Variants in ARHGAP42 observed in about 807,000 individuals in gnomAD.
ARHGAP42 encodes the protein rho GTPase-activating protein 42.
Under a neutral mutation model 125.0 loss-of-function variants are expected in ARHGAP42, and 63 were observed. That is an observed-to-expected ratio of 0.50 (90% CI 0.41 to 0.62). The LOEUF is 0.62. Ranked by LOEUF, ARHGAP42 falls within the 20% of genes least tolerant of loss-of-function variation. The pLI, the probability that ARHGAP42 is intolerant of heterozygous loss-of-function variation, is 0.00. For synonymous variants in ARHGAP42, 339 were observed against 351.0 expected (o/e 0.97, Z 0.38); for missense variants, 766 against 1,024.2 (o/e 0.75, Z 3.44).
At chr11:100,760,829 A>G (rs951679659) in intron 1 of ARHGAP42, among the ~76,000 whole-genome samples, 2 of 152,170 alleles carry the variant, frequency 1.3e-5, no homozygotes, top group Non-Finnish European at 2.9e-5. Context: ...CATGAAAGAT[A>G]AGGTAACACC....
intron 1 of ARHGAP42, among the ~76,000 whole-genome samples, chr11:100,766,712 A>G (rs775993236): frequency 2.6e-5 from 4 of 152,230 alleles, no homozygotes; most frequent in Non-Finnish European, 5.9e-5. Context: ...GCCAGAAAAT[A>G]TCATAACTTC....
intron 3 of ARHGAP42, among the ~76,000 whole-genome samples, chr11:100,851,950 A>G (rs1203092545): frequency 1.3e-5 from 2 of 152,158 alleles, no homozygotes; most frequent in Non-Finnish European, 2.9e-5. Context: ...ACACAAGGTC[A>G]CTTACCCAGT....
intron 1 of ARHGAP42, among the ~76,000 whole-genome samples, chr11:100,741,348 AT>A (rs201528438): frequency 0.026 from 3,958 of 152,248 alleles, 66 homozygotes; most frequent in Non-Finnish European, 0.031. Flanking sequence ...TCTTATTCTT[AT>A]AGTTAGTGAA....
Position 100,965,752 on chromosome 11 carries a change from A to G in ARHGAP42, c.1526A>G (p.Asp509Gly). Residue 509 changes from aspartate (D) to glycine (G), a missense_variant, in exon 17 of 24, where the codon GAC becomes GGC. Around this residue, in one of 3 missense-constraint regions of ARHGAP42, gnomAD observed 455 missense variants for 636.5 expected, o/e 0.71. Coordinates refer to ENST00000298815, the MANE Select transcript of ARHGAP42 (RefSeq NM_152432.4). ...KLPEKNREML[D>G]ILIKHLVKVS... Reference sequence around the variant, plus strand: ...CCGGAGAAAAACAGAGAGATGCTGGACATCTTAATAAAGCATCTGGTCAAG... The same window carrying G: ...CCGGAGAAAAACAGAGAGATGCTGGGCATCTTAATAAAGCATCTGGTCAAG... 4 of 1,551,212 alleles carry G rather than the reference A, an allele frequency of 2.6e-6. No homozygotes were observed. Among genetic ancestry groups the G allele is most frequent in the South Asian group, 2.4e-5 (2 of 84,032 alleles).
chr11:100,740,578 A>G (rs1176675156), intron 1 of ARHGAP42, among the ~76,000 whole-genome samples: 1 of 152,218 alleles, frequency 6.6e-6, no homozygotes, highest in African/African-American at 2.4e-5. Flanking sequence ...GCTTTATGGT[A>G]TAGGGGGAGG....
chr11:100,963,207 C>G (rs1858004991), intron 16 of ARHGAP42, among the ~76,000 whole-genome samples: 1 of 152,164 alleles, frequency 6.6e-6, no homozygotes, highest in South Asian at 2.1e-4. Flanking sequence ...TCCATCAATC[C>G]CCTCTCCCTC....
At chr11:100,838,747 A>G (rs1280405263) in intron 3 of ARHGAP42, among the ~76,000 whole-genome samples, 1 of 151,872 alleles carries the variant, frequency 6.6e-6, no homozygotes, top group East Asian at 1.9e-4. Flanking sequence ...CATAGTGTTT[A>G]AAAAAATCTA....
chr11:100,749,471 G>A, intron 1 of ARHGAP42, among the ~76,000 whole-genome samples: 1 of 150,322 alleles, frequency 6.7e-6, no homozygotes, highest in Non-Finnish European at 1.5e-5. Flanking sequence ...CTCAAACCAG[G>A]CATGTCTCGC....
intron 3 of ARHGAP42, among the ~76,000 whole-genome samples, chr11:100,818,951 A>G (rs1224650320): frequency 6.6e-6 from 1 of 152,164 alleles, no homozygotes; most frequent in Admixed American, 6.6e-5. Context: ...TTAGTAGGGA[A>G]AAAATGGGTT....
At chr11:100,986,245 A>C in intron 22 of ARHGAP42, 1 of 357,710 alleles carries the variant, frequency 2.8e-6, no homozygotes, top group Non-Finnish European at 5.4e-6. Flanking sequence ...ATTTCAGAGA[A>C]GGCCTGACCT....
At chr11:100,891,719 A>G (rs2135192923) in intron 4 of ARHGAP42, among the ~76,000 whole-genome samples, 1 of 152,326 alleles carries the variant, frequency 6.6e-6, no homozygotes, top group South Asian at 2.1e-4. Context: ...CTGGGATTAC[A>G]GGTGTGAGCC....
intron 3 of ARHGAP42, among the ~76,000 whole-genome samples, chr11:100,828,347 A>G (rs1409749960): frequency 6.6e-6 from 1 of 152,100 alleles, no homozygotes; most frequent in African/African-American, 2.4e-5. Context: ...AAGCCCTCAG[A>G]GCTGATCCAG....
chr11:100,845,513 T>TA (rs1865045531), intron 3 of ARHGAP42, among the ~76,000 whole-genome samples: 1 of 151,598 alleles, frequency 6.6e-6, no homozygotes, highest in Non-Finnish European at 1.5e-5. Context: ...AAAAAAAAAC[T>TA]AAAAAATAAA....
chr11:100,745,219 CAT>C (rs1250633778), intron 1 of ARHGAP42, among the ~76,000 whole-genome samples: 2 of 152,314 alleles, frequency 1.3e-5, no homozygotes, highest in East Asian at 3.9e-4. Context: ...AACATACTCA[CAT>C]ATTGATTCTT....
At chr11:100,903,509 T>C (rs2135214492) in intron 4 of ARHGAP42, among the ~76,000 whole-genome samples, 1 of 151,438 alleles carries the variant, frequency 6.6e-6, no homozygotes, top group East Asian at 2.0e-4. Context: ...TCCTGTCTGG[T>C]ATGCAGAATT....
chr11:100,701,721 T>C lies in ARHGAP42; in HGVS notation c.154+13889T>C, dbSNP rs149242539. ...TGGATGAGGCTTTGGCTTAATGCAA[T>C]ATTGTGGCTGGTTTCATCTTCTCTA... On this transcript the variant is annotated intron_variant, in intron 1 of 23. Transcript: ENST00000298815. Among the ~76,000 whole-genome samples the C allele has an allele frequency of 6.5e-3, 983 of 152,322 alleles. 8 individuals carry two copies. Among genetic ancestry groups the C allele is most frequent in the African/African-American group, 0.023 (940 of 41,572 alleles).
intron 1 of ARHGAP42, among the ~76,000 whole-genome samples, chr11:100,703,114 T>C (rs1411858939): frequency 6.6e-6 from 1 of 152,186 alleles, no homozygotes; most frequent in Non-Finnish European, 1.5e-5. Context: ...GGACTATGAA[T>C]ATACTGTTTC....
chr11:100,705,441 T>G (rs1591117831), intron 1 of ARHGAP42, among the ~76,000 whole-genome samples: 1 of 152,350 alleles, frequency 6.6e-6, no homozygotes, highest in East Asian at 1.9e-4. Flanking sequence ...TCACCTGGCT[T>G]CTTTTGTGAG....
At chr11:100,866,179 C>T (rs1284394088) in intron 4 of ARHGAP42, among the ~76,000 whole-genome samples, 2 of 152,164 alleles carry the variant, frequency 1.3e-5, no homozygotes, top group Admixed American at 6.5e-5. Context: ...GAAGCAACTC[C>T]TCATCCTTTA....
Sources: gnomAD v4.1 joint callset for allele counts (sites outside exome capture counted in the v4.1 genomes callset) on GRCh38, gnomAD v4.1.1 for gene constraint, gnomAD v4.1.1 regional missense constraint, MANE v1.5 for transcripts, NCBI Gene and HGNC (gene_info 2026-07-23, HGNC 2026-07-21) for gene names.